Variants in CCDC180 observed in about 807,000 individuals in gnomAD.
CCDC180 encodes coiled-coil domain containing 180, also known as coiled-coil domain-containing protein 180.
In CCDC180, 154 loss-of-function variants were observed where a neutral mutation model predicts 209.2. The ratio of observed to expected loss-of-function variants is 0.74; its 90% CI spans 0.65 to 0.84. The LOEUF (loss-of-function observed/expected upper bound fraction) is 0.84. CCDC180 is among the 40% of genes least tolerant of loss of function. CCDC180 has a pLI of 0.00. For missense variants in CCDC180, 1,874 were observed against 1,997.3 expected (o/e 0.94, Z 1.18); for synonymous variants, 778 against 749.1 (o/e 1.04, Z -0.63).
intron 15 of CCDC180, among the ~76,000 whole-genome samples, chr9:97,327,729 G>A (rs185594554): frequency 1.3e-5 from 2 of 152,272 alleles, no homozygotes; most frequent in East Asian, 1.9e-4. Flanking sequence ...TGTAGGTACC[G>A]TCAAGTTCGA....
chr9:97,368,811 C>T (rs1242150122), intron 31 of CCDC180, among the ~76,000 whole-genome samples: 2 of 152,118 alleles, frequency 1.3e-5, no homozygotes, highest in Non-Finnish European at 2.9e-5. Flanking sequence ...ATAAAATGCC[C>T]AGACTAAGAG....
At chr9:97,313,370 C>T (rs1346861309) in intron 5 of CCDC180, 25 bp downstream of exon 5, 2 of 1,528,304 alleles carry the variant, frequency 1.3e-6, no homozygotes, top group African/African-American at 1.4e-5. Flanking sequence ...TCTCCCTTCT[C>T]TTCCCTTCCT....
chr9:97,355,636 A>G (rs1401925666), intron 24 of CCDC180, among the ~76,000 whole-genome samples: 5 of 152,244 alleles, frequency 3.3e-5, no homozygotes, highest in African/African-American at 1.2e-4. Flanking sequence ...GTAGGAACAC[A>G]GAGCTCTTAA....
chr9:97,324,172 G>C (rs571241059), intron 13 of CCDC180, among the ~76,000 whole-genome samples: 1 of 152,100 alleles, frequency 6.6e-6, no homozygotes, highest in Non-Finnish European at 1.5e-5. Context: ...GGCACTGAAG[G>C]GCTGTGGAGG....
At position 97,363,994 on chromosome 9, in the gene CCDC180, G is replaced by T. The variant is rs755547648; in HGVS notation, c.3903-57G>T. ...CCCAGGCAGGGATCCTGCAGGCTCA[G>T]ACCTGCCTTGCGTCTGTCCACAGCC... On this transcript the variant is annotated intron_variant, in intron 28 of 36. Transcript: ENST00000529487. 26 of 1,544,314 alleles carry T rather than the reference G, an allele frequency of 1.7e-5. No individual in the cohort carries two copies. In the South Asian group the frequency reaches 2.9e-4, roughly 17 times the overall value.
intron 22 of CCDC180, among the ~76,000 whole-genome samples, chr9:97,352,424 A>G (rs779553045): frequency 1.4e-4 from 21 of 152,146 alleles, no homozygotes; most frequent in Non-Finnish European, 2.5e-4. Context: ...TCCTACAACT[A>G]TGCATCAGTT....
chr9:97,327,586 A>G (rs949618085), intron 15 of CCDC180, among the ~76,000 whole-genome samples: 5 of 152,166 alleles, frequency 3.3e-5, no homozygotes, highest in African/African-American at 7.2e-5. Context: ...GACACTGCCA[A>G]TTGATTGCAG....
chr9:97,354,433 A>G (rs1826508359), intron 22 of CCDC180, 136 bp from the exon 23 acceptor site: 1 of 832,554 alleles, frequency 1.2e-6, no homozygotes, highest in African/African-American at 1.7e-5. Context: ...TCCTTAAGCT[A>G]TCTGTGTTCA....
intron 24 of CCDC180, among the ~76,000 whole-genome samples, 166 bp downstream of exon 24, chr9:97,355,174 A>T (rs2118841274): frequency 6.6e-6 from 1 of 151,530 alleles, no homozygotes; most frequent in Admixed American, 6.6e-5. Context: ...CTTTTTTTTG[A>T]GACAGGGTCT....
At chr9:97,324,877 G>A (rs1007436851) in intron 13 of CCDC180, 142 bp from the exon 14 acceptor site, 1 of 712,404 alleles carries the variant, frequency 1.4e-6, no homozygotes. Context: ...GAGCACAGGT[G>A]TGGCCTAGAA....
intron 18 of CCDC180, among the ~76,000 whole-genome samples, chr9:97,331,995 T>C (rs1404070213): frequency 6.6e-6 from 1 of 152,228 alleles, no homozygotes; most frequent in African/African-American, 2.4e-5. Context: ...AGAATGGTAT[T>C]TCTTATTTTA....
rs772101032 is a variant in CCDC180 at position 97,376,833 on chromosome 9, C to T, written c.4913C>T (p.Ala1638Val). The change falls in exon 37 of 37, where the codon GCT becomes GTT. Residue 1638 changes from alanine (A) to valine (V), a missense_variant. Ala to Val is a moderately conservative substitution (Grantham distance 64, BLOSUM62 0). Coordinates refer to ENST00000529487, the MANE Select transcript of CCDC180 (RefSeq NM_020893.6). ...GACTGTACATCTCAGATAAAGGAGG[C>T]TCAGCGCTGGAAGGACAGCTGGAAG... is the stretch of plus-strand genomic sequence containing the variant. ...QDDCTSQIKE[A>V]QRWKDSWKQS... The T allele has an allele frequency of 2.5e-6, 4 of 1,613,474 alleles. No individual in the cohort carries two copies. In the African/African-American group the frequency reaches 4.0e-5, roughly 16 times the overall value.
At chr9:97,369,817 A>C (rs1403283311) in intron 31 of CCDC180, 105 bp from the exon 32 acceptor site, 1 of 1,305,394 alleles carries the variant, frequency 7.7e-7, no homozygotes, top group African/African-American at 1.5e-5. Context: ...GGAGACCAAG[A>C]TTTTCTCTTT....
At chr9:97,330,281 T>C in intron 17 of CCDC180, 41 bp from the exon 18 acceptor site, 1 of 1,611,898 alleles carries the variant, frequency 6.2e-7, no homozygotes, top group South Asian at 1.1e-5. Flanking sequence ...GCAGCATCAG[T>C]AAATTGTCTC....
intron 27 of CCDC180, 79 bp downstream of exon 27, chr9:97,361,977 C>T: frequency 6.6e-7 from 1 of 1,517,620 alleles, no homozygotes; most frequent in East Asian, 2.3e-5. Flanking sequence ...GCTTTGGGGC[C>T]CCACACACTG....
chr9:97,308,240 C>A (rs1832863180), intron 2 of CCDC180, 108 bp downstream of exon 2: 1 of 974,560 alleles, frequency 1.0e-6, no homozygotes, highest in Non-Finnish European at 1.4e-6. Context: ...AAAACAAGGG[C>A]TTTGAAATTA....
intron 14 of CCDC180, 46 bp downstream of exon 14, chr9:97,325,238 A>G (rs1436135564): frequency 1.3e-6 from 2 of 1,542,090 alleles, no homozygotes; most frequent in South Asian, 1.2e-5. Context: ...ACAAACAGCA[A>G]TGAACTCAAA....
intron 7 of CCDC180, 45 bp downstream of exon 7, chr9:97,314,773 G>A (rs1386114168): frequency 1.2e-6 from 2 of 1,600,268 alleles, no homozygotes; most frequent in East Asian, 2.2e-5. Context: ...TCACTTGCCG[G>A]GTTTATTAGG....
At chr9:97,350,602 A>T in intron 22 of CCDC180, 47 bp downstream of exon 22, 1 of 1,522,606 alleles carries the variant, frequency 6.6e-7, no homozygotes, top group Non-Finnish European at 8.8e-7. Context: ...GAGTTTCTCT[A>T]TTGGGATGTG....
Sources: gnomAD v4.1 joint callset for allele counts (sites outside exome capture counted in the v4.1 genomes callset) on GRCh38, gnomAD v4.1.1 for gene constraint, MANE v1.5 for transcripts, NCBI Gene and HGNC (gene_info 2026-07-23, HGNC 2026-07-21) for gene names.